Variants in CA1 observed in about 807,000 individuals in gnomAD.
CA1 encodes the protein carbonate dehydratase I.
A neutral mutation model predicts 28.8 loss-of-function variants in CA1; 27 were observed. That is an observed-to-expected ratio of 0.94 (90% confidence interval 0.69 to 1.29). The LOEUF (loss-of-function observed/expected upper bound fraction) is 1.29, where lower values mean the gene tolerates loss of function less well. Ranked by LOEUF, CA1 falls within the 50% of genes most tolerant of loss-of-function variation. The pLI, the probability that CA1 is intolerant of heterozygous loss-of-function variation, is 0.00. For missense variants in CA1, 335 were observed against 310.5 expected (o/e 1.08, Z -0.59); for synonymous variants, 121 against 108.8 (o/e 1.11, Z -0.70).
At chr8:85,338,867 C>A (rs1808796443) in intron 2 of CA1, among the ~76,000 whole-genome samples, 2 of 151,756 alleles carry the variant, frequency 1.3e-5, no homozygotes, top group African/African-American at 4.8e-5. Flanking sequence ...GAGCATGCCA[C>A]CATGCCTGGC....
At chr8:85,339,635 C>T (rs116334375) in intron 2 of CA1, among the ~76,000 whole-genome samples, 487 of 152,268 alleles carry the variant, frequency 3.2e-3, no homozygotes, top group African/African-American at 0.011. Context: ...GAAGGCATGT[C>T]AAGAGTTGAG....
intron 1 of CA1, among the ~76,000 whole-genome samples, chr8:85,356,066 T>C (rs1401838700): frequency 6.6e-6 from 1 of 152,232 alleles, no homozygotes; most frequent in African/African-American, 2.4e-5. Flanking sequence ...AGTGTTGATA[T>C]TTGATCCTAC....
Position 85,336,970 on chromosome 8 carries a change from A to G in CA1, c.329T>C (p.Val110Ala). 1 of 1,607,454 alleles carries G rather than the reference A, an allele frequency of 6.2e-7. No homozygotes were observed. Among genetic ancestry groups the G allele is most frequent in the Non-Finnish European group, 8.5e-7 (1 of 1,174,076 alleles). ...CTCGGCAGAATATTTGACTCCATCC[A>G]CTGTATGTTCTGAACCATGCTCATT... ...STNEHGSEHT[V>A]DGVKYSAELH... is the part of the protein sequence containing the mutation. The change falls in exon 4 of 8, where the codon GTG (valine) becomes GCG (alanine). Residue 110 changes from valine to alanine, a missense_variant. By Grantham distance (64) the Val-to-Ala change is moderately conservative (BLOSUM62 0). Coordinates refer to ENST00000523022, the MANE Select transcript of CA1 (RefSeq NM_001128831.4).
rs1446045592 is a variant in CA1, at chr8:85,338,333, A to T, written c.154T>A (p.Tyr52Asn). The change falls in exon 3 of 8, where the codon TAC becomes AAC. Residue 52 changes from tyrosine to asparagine, a missense_variant. Physicochemically the swap from Tyr to Asn is moderately radical, Grantham distance 143. Transcript: ENST00000523022. Reference protein sequence around the residue: ...DTSLKPISVSYNPATAKEIIN... With the variant: ...DTSLKPISVSNNPATAKEIIN... Reference sequence around the variant, plus strand: ...ATTTCTTTGGCTGTGGCTGGGTTGTAGGAGACACTAATAGGTTTCAGAGAG... The same window carrying T: ...ATTTCTTTGGCTGTGGCTGGGTTGTTGGAGACACTAATAGGTTTCAGAGAG... The T allele has an allele frequency of 1.2e-6, 2 of 1,613,944 alleles. No individual in the cohort carries two copies. The highest frequency in any genetic ancestry group is 1.7e-6 in the Non-Finnish European group (2 of 1,179,838).
intron 1 of CA1, among the ~76,000 whole-genome samples, chr8:85,359,114 G>C (rs1410888595): frequency 6.6e-6 from 1 of 152,168 alleles, no homozygotes; most frequent in East Asian, 1.9e-4. Context: ...GTTACTGTAT[G>C]TTAAACACAA....
intron 1 of CA1, among the ~76,000 whole-genome samples, chr8:85,355,798 A>G (rs1809583643): frequency 6.6e-6 from 1 of 151,964 alleles, no homozygotes; most frequent in Non-Finnish European, 1.5e-5. Context: ...CTTGAAGCTA[A>G]ACTTATTATG....
At chr8:85,363,692 T>C (rs77366533) in intron 1 of CA1, among the ~76,000 whole-genome samples, 5,482 of 152,308 alleles carry the variant, frequency 0.036, 158 homozygotes, top group Non-Finnish European at 0.058. Context: ...GCCTCTTACC[T>C]GCTGACATCA....
At chr8:85,374,516 T>C (rs1459580723) in intron 1 of CA1, among the ~76,000 whole-genome samples, 1 of 152,184 alleles carries the variant, frequency 6.6e-6, no homozygotes, top group East Asian at 1.9e-4. Flanking sequence ...CAAAAAAATT[T>C]TGTAACATAT....
intron 1 of CA1, among the ~76,000 whole-genome samples, chr8:85,359,858 C>T (rs1460843005): frequency 6.6e-6 from 1 of 152,164 alleles, no homozygotes; most frequent in African/African-American, 2.4e-5. Context: ...TCCAGATACC[C>T]TGAAACCTGA....
intron 1 of CA1, among the ~76,000 whole-genome samples, chr8:85,344,261 TATATA>T (rs1809071164): frequency 1.5e-5 from 1 of 65,508 alleles, no homozygotes; most frequent in Non-Finnish European, 3.1e-5. Flanking sequence ...TTATATACAG[TATATA>T]ATATATAATT....
chr8:85,328,864 T>A (rs565297086), intron 7 of CA1, among the ~76,000 whole-genome samples, 188 bp from the exon 8 acceptor site: 1 of 152,168 alleles, frequency 6.6e-6, no homozygotes, highest in African/African-American at 2.4e-5. Flanking sequence ...TTGCTTTAAT[T>A]ATTGATTTAA....
intron 2 of CA1, 92 bp downstream of exon 2, chr8:85,341,507 A>G (rs1467794891): frequency 4.9e-6 from 4 of 817,128 alleles, no homozygotes; most frequent in South Asian, 2.7e-5. Context: ...ATTAACCTAT[A>G]GCTGTACAAT....
At chr8:85,333,296 C>G (rs1375051199) in intron 5 of CA1, among the ~76,000 whole-genome samples, 1 of 152,132 alleles carries the variant, frequency 6.6e-6, no homozygotes, top group Non-Finnish European at 1.5e-5. Flanking sequence ...CCTGTGAACA[C>G]ATTTCTATCT....
At chr8:85,370,719 TTA>T (rs1810189084) in intron 1 of CA1, among the ~76,000 whole-genome samples, 1 of 152,142 alleles carries the variant, frequency 6.6e-6, no homozygotes, top group South Asian at 2.1e-4. Context: ...TACTTTAAAT[TTA>T]TGTCTTAGAT....
chr8:85,361,500 A>C (rs1809795698), intron 1 of CA1, among the ~76,000 whole-genome samples: 1 of 152,078 alleles, frequency 6.6e-6, no homozygotes, highest in Non-Finnish European at 1.5e-5. Flanking sequence ...AACATGTCGA[A>C]ACCCTCTGTC....
chr8:85,329,757 G>A lies in CA1; in HGVS notation c.601C>T (p.His201Tyr), dbSNP rs1358988839. 1 of 1,606,830 alleles carries A rather than the reference G, an allele frequency of 6.2e-7. No homozygotes were observed. Among genetic ancestry groups the A allele is most frequent in the Admixed American group, 1.7e-5 (1 of 59,358 alleles). The part of the protein sequence containing the change: ...DFWTYPGSLT[H>Y]PPLYESVTWI... ...GTTACACTCTCATAAAGAGGAGGAT[G>A]AGTCAGAGAGCCAGGGTAGGTCCAG... The change falls in exon 7 of 8, where the codon CAT becomes TAT. Residue 201 changes from histidine to tyrosine, a missense_variant. By Grantham distance (83) the His-to-Tyr change is moderately conservative. Transcript: ENST00000523022.
intron 1 of CA1, among the ~76,000 whole-genome samples, chr8:85,360,351 T>A (rs1044958590): frequency 3.9e-5 from 6 of 152,148 alleles, no homozygotes; most frequent in African/African-American, 9.7e-5. Context: ...AGGTAAAAAA[T>A]TTTTAAAATG....
rs116388159 is a variant in CA1, at chr8:85,356,299, A to G, written c.-24-14640T>C. 4.1e-3 allele frequency among the ~76,000 whole-genome samples: 618 copies of G among 152,302 alleles called. 4 individuals are homozygous for G. The highest frequency in any genetic ancestry group is 0.014 in the African/African-American group (598 of 41,564). ...CAGTTTTTTTGTTTGTGAGGCAGAA[A>G]TAACAATAACAACCTTACACAGTTG... On this transcript the variant is annotated intron_variant, in intron 1 of 7. Transcript: ENST00000523022.
chr8:85,333,385 A>G, intron 5 of CA1, 140 bp downstream of exon 5: 2 of 618,840 alleles, frequency 3.2e-6, no homozygotes, highest in East Asian at 3.0e-5. Context: ...CTAGGGAACT[A>G]TTTGTTCACC....
Sources: allele counts gnomAD v4.1 joint callset (sites outside exome capture counted in the v4.1 genomes callset), GRCh38; gene constraint gnomAD v4.1.1; transcripts MANE v1.5; gene names NCBI Gene and HGNC (gene_info 2026-07-23, HGNC 2026-07-21).